TRAPPC9: variants seen among roughly 807,000 people sequenced by gnomAD.
The protein encoded by TRAPPC9 is IKK2 binding protein.
In TRAPPC9, 83 loss-of-function variants were observed where a neutral mutation model predicts 124.0. The observed-to-expected ratio is 0.67, with a 90% CI of 0.56 to 0.80. The LOEUF (loss-of-function observed/expected upper bound fraction) is 0.80, where lower values mean the gene tolerates loss of function less well. TRAPPC9 is among the 30% of genes least tolerant of loss of function. TRAPPC9 has a pLI of 0.00. For missense variants in TRAPPC9, 1,302 were observed against 1,508.3 expected (o/e 0.86, Z 2.27); for synonymous variants, 638 against 617.5 (o/e 1.03, Z -0.49).
chr8:139,842,327 C>T (rs561866076), intron 21 of TRAPPC9, among the ~76,000 whole-genome samples: 2 of 152,346 alleles, frequency 1.3e-5, no homozygotes, highest in South Asian at 4.1e-4. Flanking sequence ...TGGAAACTTG[C>T]TCTAGAATTT....
chr8:139,835,448 G>A (rs1826269786), intron 21 of TRAPPC9, among the ~76,000 whole-genome samples: 1 of 152,264 alleles, frequency 6.6e-6, no homozygotes, highest in Non-Finnish European at 1.5e-5. Flanking sequence ...TTGTGTCACT[G>A]TGATGGCGCG....
intron 9 of TRAPPC9, among the ~76,000 whole-genome samples, chr8:140,327,706 G>A (rs2066775751): frequency 6.6e-6 from 1 of 152,178 alleles, no homozygotes; most frequent in African/African-American, 2.4e-5. Context: ...CCTAAAATAG[G>A]CAAATTCATC....
chr8:139,945,836 G>C (rs1252934429), intron 19 of TRAPPC9, among the ~76,000 whole-genome samples: 1 of 152,200 alleles, frequency 6.6e-6, no homozygotes, highest in Admixed American at 6.5e-5. Context: ...ACTGAGGTTT[G>C]CAATTTATTT....
intron 17 of TRAPPC9, among the ~76,000 whole-genome samples, chr8:140,137,861 T>C (rs1337106832): frequency 1.3e-5 from 2 of 152,254 alleles, no homozygotes; most frequent in Non-Finnish European, 2.9e-5. Flanking sequence ...TATACGATTA[T>C]AATTTTTCAA....
At chr8:140,359,611 C>A (rs182178385) in intron 9 of TRAPPC9, among the ~76,000 whole-genome samples, 2 of 152,116 alleles carry the variant, frequency 1.3e-5, no homozygotes, top group African/African-American at 4.8e-5. Flanking sequence ...TGTTCCTGCC[C>A]GTCTCTGATC....
At chr8:139,890,625 C>T (rs186626807) in intron 20 of TRAPPC9, among the ~76,000 whole-genome samples, 9 of 152,248 alleles carry the variant, frequency 5.9e-5, no homozygotes, top group Admixed American at 4.6e-4. Context: ...TTTTCAAATA[C>T]GGGAAGGCGA....
intron 9 of TRAPPC9, among the ~76,000 whole-genome samples, chr8:140,312,311 C>A (rs913867978): frequency 1.3e-5 from 2 of 152,178 alleles, no homozygotes; most frequent in African/African-American, 4.8e-5. Flanking sequence ...AGCAGAGGGA[C>A]ACGATCGCCA....
chr8:139,912,310 T>C (rs1347319608), intron 19 of TRAPPC9, among the ~76,000 whole-genome samples: 1 of 152,260 alleles, frequency 6.6e-6, no homozygotes, highest in Non-Finnish European at 1.5e-5. Flanking sequence ...TAATATGCTA[T>C]GAATATTTTC....
chr8:140,133,009 T>C (rs2061234126), intron 17 of TRAPPC9, among the ~76,000 whole-genome samples: 1 of 152,154 alleles, frequency 6.6e-6, no homozygotes, highest in Non-Finnish European at 1.5e-5. Flanking sequence ...CCAAACCTTG[T>C]TAAACTCTCA....
upstream of TRAPPC9, chr8:140,458,300 G>C (rs770768456): frequency 3.2e-6 from 5 of 1,561,430 alleles, no homozygotes; most frequent in Non-Finnish European, 4.3e-6. Context: ...AGGGCGCGCA[G>C]CTCAAATTTC....
intron 16 of TRAPPC9, among the ~76,000 whole-genome samples, chr8:140,226,736 C>T (rs1180523058): frequency 6.6e-6 from 1 of 151,644 alleles, no homozygotes; most frequent in East Asian, 1.9e-4. Flanking sequence ...TTTCTTGGCT[C>T]TAAAACAGGA....
chr8:139,795,671 A>C, intron 21 of TRAPPC9, among the ~76,000 whole-genome samples: 1 of 152,132 alleles, frequency 6.6e-6, no homozygotes, highest in Admixed American at 6.5e-5. Flanking sequence ...CTGAAAGATA[A>C]TCCGCAAACT....
At chr8:139,945,942 T>C (rs994953220) in intron 19 of TRAPPC9, among the ~76,000 whole-genome samples, 1 of 152,258 alleles carries the variant, frequency 6.6e-6, no homozygotes, top group African/African-American at 2.4e-5. Flanking sequence ...AAAATAGTAG[T>C]GGTACAATCA....
At chr8:139,768,341 G>A (rs989995332) in intron 21 of TRAPPC9, among the ~76,000 whole-genome samples, 6 of 152,170 alleles carry the variant, frequency 3.9e-5, no homozygotes, top group African/African-American at 1.4e-4. Context: ...TGACAGCTGT[G>A]ACCCTAGCTC....
rs543809249 is a variant in TRAPPC9 at position 140,228,267 on chromosome 8, G to A, written c.2432-6684C>T. On this transcript the variant is annotated intron_variant, in intron 16 of 22. Transcript: ENST00000438773. ...CAATCGCTCAGTGGGAGTTTGTCAG[G>A]GTATGCTGTTCCAGGTAGAATATAT... Among the ~76,000 whole-genome samples the A allele has an allele frequency of 2.6e-5, 4 of 152,254 alleles. No homozygotes were observed. In the South Asian group the frequency reaches 8.3e-4, roughly 32 times the overall value.
intron 7 of TRAPPC9, among the ~76,000 whole-genome samples, chr8:140,383,872 A>G (rs887816151): frequency 3.3e-5 from 5 of 152,210 alleles, no homozygotes; most frequent in Non-Finnish European, 5.9e-5. Flanking sequence ...CAGATTCACC[A>G]AAGTTGAAAT....
intron 9 of TRAPPC9, among the ~76,000 whole-genome samples, chr8:140,342,588 C>A (rs1005043822): frequency 6.6e-6 from 1 of 152,110 alleles, no homozygotes; most frequent in African/African-American, 2.4e-5. Flanking sequence ...ACAAATTATA[C>A]CCCTTTACTG....
At chr8:140,072,545 AGG>A (rs1292937921) in intron 17 of TRAPPC9, among the ~76,000 whole-genome samples, 17 of 130,688 alleles carry the variant, frequency 1.3e-4, no homozygotes, top group South Asian at 7.4e-4. Flanking sequence ...GAGGAGGAGG[AGG>A]AAGAGGAGGA....
intron 9 of TRAPPC9, among the ~76,000 whole-genome samples, chr8:140,355,793 G>A (rs2067722990): frequency 6.6e-6 from 1 of 152,184 alleles, no homozygotes; most frequent in Non-Finnish European, 1.5e-5. Context: ...GGTTAAACAT[G>A]TCGTTTCAAT....
Sources: gnomAD v4.1 joint callset for allele counts (sites outside exome capture counted in the v4.1 genomes callset) on GRCh38, gnomAD v4.1.1 for gene constraint, MANE v1.5 for transcripts, NCBI Gene and HGNC (gene_info 2026-07-23, HGNC 2026-07-21) for gene names.